The following SDC2 variants were observed in gnomAD, a reference collection of about 807,000 sequenced individuals.
SDC2 encodes the protein syndecan 2.
In SDC2, 13 loss-of-function variants were observed where a neutral mutation model predicts 22.2. That is an observed-to-expected ratio of 0.59 (90% confidence interval 0.38 to 0.93). The LOEUF (loss-of-function observed/expected upper bound fraction) is 0.93, where lower values mean the gene tolerates loss of function less well. Ranked by LOEUF, SDC2 falls within the 40% of genes least tolerant of loss-of-function variation. The pLI is 0.00. For synonymous variants in SDC2, 94 were observed against 92.8 expected (o/e 1.01, Z -0.07); for missense variants, 235 against 246.8 (o/e 0.95, Z 0.32).
At position 96,540,172 on chromosome 8, in the gene SDC2, G is replaced by GC. The variant is rs968811850; in HGVS notation, c.60+45848dup. On this transcript the variant is annotated intron_variant, in intron 1 of 4. Transcript: ENST00000302190. ...GAGGGGAGAAGAAAGAAAAAAAAAA[G>GC]CCCCCCCGCCCCGCCAGCTACAGCC... 1.7e-4 allele frequency among the ~76,000 whole-genome samples: 25 copies of GC among 150,660 alleles called. 1 individual carries two copies. The highest frequency in any genetic ancestry group is 5.8e-4 in the African/African-American group (24 of 41,070).
At chr8:96,507,262 T>A (rs1368009898) in intron 1 of SDC2, among the ~76,000 whole-genome samples, 4 of 152,240 alleles carry the variant, frequency 2.6e-5, no homozygotes. Flanking sequence ...TTATAAAACA[T>A]TCCTTTTCTG....
Position 96,585,679 on chromosome 8 carries a change from C to T in SDC2, c.61-7801C>T, listed in dbSNP as rs1240982365. Among the ~76,000 whole-genome samples the T allele has an allele frequency of 2.0e-5, 3 of 152,174 alleles. No homozygotes were observed. The East Asian group carries it at 5.8e-4, about 29-fold the overall frequency. On this transcript the variant is annotated intron_variant, in intron 1 of 4. Transcript: ENST00000302190. The stretch of plus-strand genomic sequence containing the variant: ...TTAAATTTACCCAACAAACCACTTA[C>T]TGCACTAGGTACTGTTCTGTAGAAT...
chr8:96,581,357 G>A lies in SDC2; in HGVS notation c.61-12123G>A, dbSNP rs376843131. Among the ~76,000 whole-genome samples the A allele has an allele frequency of 1.1e-4, 16 of 152,302 alleles. No homozygotes were observed. In the East Asian group the frequency reaches 3.1e-3, roughly 29 times the overall value. On this transcript the variant is annotated intron_variant, in intron 1 of 4. Transcript: ENST00000302190. ...AGAGTACTATATGAGGGCTGGGCAT[G>A]GTGGCTCACGCCTGTAATCCCAGCA...
intron 1 of SDC2, among the ~76,000 whole-genome samples, chr8:96,570,742 C>A (rs1293556490): frequency 6.6e-6 from 1 of 152,102 alleles, no homozygotes; most frequent in Non-Finnish European, 1.5e-5. Flanking sequence ...ATAATTTTTA[C>A]ATTGATTATA....
chr8:96,517,391 A>C (rs1393684721), intron 1 of SDC2, among the ~76,000 whole-genome samples: 1 of 152,214 alleles, frequency 6.6e-6, no homozygotes, highest in Non-Finnish European at 1.5e-5. Context: ...GGTATCATAT[A>C]TAAGAAACAC....
chr8:96,580,524 A>C, intron 1 of SDC2: 1 of 985,274 alleles, frequency 1.0e-6, no homozygotes, highest in Non-Finnish European at 1.2e-6. Context: ...TCTTATACCA[A>C]TTAAATAATA....
chr8:96,552,161 CTTGT>C (rs1814038790), intron 1 of SDC2, among the ~76,000 whole-genome samples: 1 of 152,294 alleles, frequency 6.6e-6, no homozygotes, highest in Non-Finnish European at 1.5e-5. Context: ...TTACTCAAAT[CTTGT>C]TTGAGTTAAT....
At chr8:96,533,716 G>A (rs111804557) in intron 1 of SDC2, among the ~76,000 whole-genome samples, 10,557 of 151,514 alleles carry the variant, frequency 0.07, 1,224 homozygotes, top group African/African-American at 0.24. Context: ...TGGTGTATCT[G>A]CAATCCCTTA....
intron 1 of SDC2, among the ~76,000 whole-genome samples, chr8:96,501,068 C>A (rs1387397373): frequency 6.6e-6 from 1 of 151,786 alleles, no homozygotes; most frequent in Non-Finnish European, 1.5e-5. Flanking sequence ...ACTATTCAGT[C>A]TATTTTGTGA....
intron 1 of SDC2, among the ~76,000 whole-genome samples, chr8:96,581,722 T>A (rs1330470163): frequency 6.6e-6 from 1 of 152,130 alleles, no homozygotes; most frequent in Non-Finnish European, 1.5e-5. Flanking sequence ...GGAGGTAGAT[T>A]AGAAAGACAG....
chr8:96,553,585 A>AT (rs925689258), intron 1 of SDC2, among the ~76,000 whole-genome samples: 12 of 149,396 alleles, frequency 8.0e-5, no homozygotes, highest in East Asian at 5.9e-4. Flanking sequence ...GAGCCATTCG[A>AT]TTTTTTTTTT....
intron 1 of SDC2, among the ~76,000 whole-genome samples, chr8:96,499,083 T>A (rs1813120219): frequency 6.6e-6 from 1 of 152,200 alleles, no homozygotes; most frequent in African/African-American, 2.4e-5. Flanking sequence ...GGTTACCCCC[T>A]TGATCACTTT....
At chr8:96,558,202 G>A (rs1194622805) in intron 1 of SDC2, among the ~76,000 whole-genome samples, 4 of 152,096 alleles carry the variant, frequency 2.6e-5, no homozygotes, top group Admixed American at 2.0e-4. Context: ...TGGATATAGG[G>A]TGAGAGGAAA....
rs1414246433 is a variant in SDC2, at chr8:96,611,429, T to G, written c.*1881T>G. On this transcript the variant is annotated 3_prime_UTR_variant, in exon 5 of 5. Coordinates refer to ENST00000302190, the MANE Select transcript of SDC2 (RefSeq NM_002998.4). The stretch of plus-strand genomic sequence containing the variant: ...ATTGCCACATAATTCATTAAAAACA[T>G]TTTTTTAAGCAACACTTGGAACAGT... 1 of 152,618 alleles carries G rather than the reference T, an allele frequency of 6.6e-6. No homozygotes were observed. Among genetic ancestry groups the G allele is most frequent in the African/African-American group, 2.4e-5 (1 of 41,448 alleles). The allele number at this position is 152,618 out of a possible 1,614,324, so 9.5% of individuals were successfully genotyped here.
At chr8:96,596,007 G>A (rs1336469659) in intron 2 of SDC2, among the ~76,000 whole-genome samples, 4 of 152,222 alleles carry the variant, frequency 2.6e-5, no homozygotes, top group Non-Finnish European at 5.9e-5. Context: ...TCAGCATGAA[G>A]CAGCAGTACT....
intron 3 of SDC2, among the ~76,000 whole-genome samples, chr8:96,607,403 G>T (rs1172233948): frequency 6.6e-6 from 1 of 152,206 alleles, no homozygotes; most frequent in East Asian, 1.9e-4. Context: ...GAGGCAAATT[G>T]ACAGTGCTGT....
chr8:96,520,818 A>G (rs554121360), intron 1 of SDC2, among the ~76,000 whole-genome samples: 29 of 152,240 alleles, frequency 1.9e-4, no homozygotes, highest in African/African-American at 6.7e-4. Flanking sequence ...ACCTGCATTA[A>G]CCCTTGTGCC....
chr8:96,547,270 A>G (rs1001756276), intron 1 of SDC2, among the ~76,000 whole-genome samples: 1 of 152,220 alleles, frequency 6.6e-6, no homozygotes, highest in Non-Finnish European at 1.5e-5. Context: ...GTCTACTTGC[A>G]TGTCATGACT....
chr8:96,574,909 G>C (rs1814460716), intron 1 of SDC2, among the ~76,000 whole-genome samples: 2 of 152,132 alleles, frequency 1.3e-5, no homozygotes, highest in Non-Finnish European at 2.9e-5. Flanking sequence ...GTGGGGGATG[G>C]TTTCGGGATG....
Sources: allele counts gnomAD v4.1 joint callset (sites outside exome capture counted in the v4.1 genomes callset), GRCh38; gene constraint gnomAD v4.1.1; transcripts MANE v1.5; gene names NCBI Gene and HGNC (gene_info 2026-07-23, HGNC 2026-07-21).